Variants in PGS1 observed in about 807,000 individuals in gnomAD.
The protein encoded by PGS1 is CDP-diacylglycerol--glycerol-3-phosphate 3-phosphatidyltransferase, mitochondrial.
A neutral mutation model predicts 58.3 loss-of-function variants in PGS1; 44 were observed. That is an observed-to-expected ratio of 0.75 (90% CI 0.59 to 0.97). PGS1 has a LOEUF of 0.97. PGS1 is among the 50% of genes least tolerant of loss of function. The pLI is 0.00. For synonymous variants in PGS1, 330 were observed against 311.0 expected, an observed-to-expected ratio of 1.06 and a Z score of -0.64; for missense variants, 684 against 731.1, an observed-to-expected ratio of 0.94 and a Z score of 0.74.
At chr17:78,418,018 C>T (rs754241417) in intron 8 of PGS1, among the ~76,000 whole-genome samples, 2 of 149,902 alleles carry the variant, frequency 1.3e-5, no homozygotes, top group Non-Finnish European at 3.0e-5. Context: ...TAACCTCTGC[C>T]TCCCGGGTTC....
At chr17:78,415,216 G>T (rs1349762060) in intron 8 of PGS1, among the ~76,000 whole-genome samples, 189 bp downstream of exon 8, 1 of 152,214 alleles carries the variant, frequency 6.6e-6, no homozygotes, top group East Asian at 1.9e-4. Context: ...GATCATGCCT[G>T]TGACTTCCCA....
intron 8 of PGS1, among the ~76,000 whole-genome samples, chr17:78,417,928 ATTTTTT>A (rs55853667): frequency 7.8e-6 from 1 of 128,308 alleles, no homozygotes; most frequent in Non-Finnish European, 1.6e-5. Context: ...GCATATATAA[ATTTTTT>A]TTTTTTTTTT....
At chr17:78,391,739 A>G (rs545673665) in intron 1 of PGS1, among the ~76,000 whole-genome samples, 14 of 152,224 alleles carry the variant, frequency 9.2e-5, no homozygotes, top group African/African-American at 3.4e-4. Flanking sequence ...CGGCCTCCCA[A>G]AGTGCTGGGA....
intron 8 of PGS1, among the ~76,000 whole-genome samples, chr17:78,417,642 TTGAG>T (rs767171563): frequency 9.2e-5 from 14 of 151,946 alleles, no homozygotes; most frequent in Non-Finnish European, 1.9e-4. Context: ...GTGTGCCACT[TTGAG>T]TGGCACAGGC....
intron 7 of PGS1, among the ~76,000 whole-genome samples, chr17:78,407,512 G>C (rs1598346220): frequency 6.6e-6 from 1 of 152,240 alleles, no homozygotes; most frequent in East Asian, 1.9e-4. Flanking sequence ...CAAGGCACTT[G>C]CTGGGTACAG....
chr17:78,382,209 C>A (rs1301849999), intron 1 of PGS1, among the ~76,000 whole-genome samples: 1 of 152,068 alleles, frequency 6.6e-6, no homozygotes, highest in African/African-American at 2.4e-5. Flanking sequence ...TTTCCAGGAG[C>A]TGACTAGGGG....
chr17:78,391,242 G>A (rs112645827), intron 1 of PGS1, among the ~76,000 whole-genome samples: 4 of 151,326 alleles, frequency 2.6e-5, no homozygotes, highest in African/African-American at 7.3e-5. Flanking sequence ...GCCACCGTGC[G>A]CGGCCACGGC....
rs1293560618 is a variant in PGS1 at position 78,406,189 on chromosome 17, G to T, written c.1402+2100G>T. ...AAAAATTAGCGGGGCGTGGTGGCGG[G>T]CGCCTGTAGTCCCAGCCACTTGGGA... On this transcript the variant is annotated intron_variant, in intron 7 of 9. Coordinates refer to ENST00000262764, the MANE Select transcript of PGS1 (RefSeq NM_024419.5). Among the ~76,000 whole-genome samples, 35 of 152,092 alleles carry T rather than the reference G, an allele frequency of 2.3e-4. 1 individual carries two copies. The highest frequency in any genetic ancestry group is 2.3e-3 in the Admixed American group (35 of 15,270).
Position 78,419,554 on chromosome 17 carries a change from G to C in PGS1, c.1560G>C (p.Glu520Asp). ...CTGTTCCTCTTCCTCAGGAGCAAGAGCAGCTCTACCTGAGGTCAGGTGTGG... is the reference window on the plus strand; with the variant it reads ...CTGTTCCTCTTCCTCAGGAGCAAGACCAGCTCTACCTGAGGTCAGGTGTGG... ...ALQQQLHQEQ[E>D]QLYLRSGVVS... The change falls in exon 9 of 10, where the codon GAG becomes GAC. Residue 520 changes from glutamate to aspartate, a missense_variant. Transcript: ENST00000262764. The C allele has an allele frequency of 6.2e-7, 1 of 1,613,904 alleles. No individual in the cohort carries two copies. The highest frequency in any genetic ancestry group is 8.5e-7 in the Non-Finnish European group (1 of 1,179,876).
intron 3 of PGS1, among the ~76,000 whole-genome samples, chr17:78,397,919 G>A (rs772096239): frequency 2.6e-5 from 4 of 152,226 alleles, no homozygotes; most frequent in Non-Finnish European, 5.9e-5. Context: ...GGTTGTGTCT[G>A]TGAGGATTGT....
intron 3 of PGS1, among the ~76,000 whole-genome samples, chr17:78,396,701 A>G (rs1450045156): frequency 6.6e-6 from 1 of 152,248 alleles, no homozygotes; most frequent in African/African-American, 2.4e-5. Context: ...GTGGCCTGCC[A>G]CCTGTTATGG....
intron 1 of PGS1, among the ~76,000 whole-genome samples, chr17:78,390,471 G>A (rs2082748058): frequency 6.6e-6 from 1 of 152,196 alleles, no homozygotes; most frequent in African/African-American, 2.4e-5. Flanking sequence ...GGGCTTTCTG[G>A]GAAGTGCAGC....
chr17:78,424,190 CCAGT>C lies in PGS1; in HGVS notation c.*141_*144del. 1 of 1,577,478 alleles carries C rather than the reference CCAGT, an allele frequency of 6.3e-7. No homozygotes were observed. Among genetic ancestry groups the C allele is most frequent in the Non-Finnish European group, 8.6e-7 (1 of 1,162,286 alleles). On this transcript the variant is annotated 3_prime_UTR_variant, in exon 10 of 10. Coordinates refer to ENST00000262764, the MANE Select transcript of PGS1 (RefSeq NM_024419.5). Reference sequence around the variant, plus strand: ...GTATGGCTGAGGGTCAGGTGTGCTGCCAGTAAGTGAGGGAGGGGCTGGCAGGAAG... The same window carrying C: ...GTATGGCTGAGGGTCAGGTGTGCTGCAAGTGAGGGAGGGGCTGGCAGGAAG...
chr17:78,420,855 A>G (rs929522145), intron 9 of PGS1: 2 of 152,200 alleles, frequency 1.3e-5, no homozygotes, highest in African/African-American at 4.8e-5. Flanking sequence ...CCGTATTTCT[A>G]AATAACGTGC....
intron 2 of PGS1, among the ~76,000 whole-genome samples, chr17:78,395,031 C>T (rs988495452): frequency 2.7e-5 from 4 of 148,774 alleles, no homozygotes; most frequent in Non-Finnish European, 6.0e-5. Flanking sequence ...GAGAAGACCC[C>T]AGGGCCTCCT....
chr17:78,417,189 T>C (rs2085267331), intron 8 of PGS1, among the ~76,000 whole-genome samples: 1 of 152,152 alleles, frequency 6.6e-6, no homozygotes, highest in African/African-American at 2.4e-5. Flanking sequence ...CCATCCCTGT[T>C]GTGGAGTCTG....
intron 1 of PGS1, among the ~76,000 whole-genome samples, chr17:78,382,053 C>T (rs944545791): frequency 2.0e-5 from 3 of 152,042 alleles, no homozygotes; most frequent in East Asian, 1.9e-4. Context: ...TGGAAGGCTT[C>T]CTGGTGCAGT....
intron 4 of PGS1, 93 bp from the exon 5 acceptor site, chr17:78,399,255 G>C: frequency 2.1e-6 from 2 of 957,880 alleles, no homozygotes; most frequent in Non-Finnish European, 3.3e-6. Flanking sequence ...GGACGGCACA[G>C]GTGAAGGCGA....
intron 7 of PGS1, among the ~76,000 whole-genome samples, chr17:78,413,917 CT>C (rs1309843235): frequency 1.6e-4 from 25 of 152,260 alleles, no homozygotes; most frequent in East Asian, 1.9e-4. Flanking sequence ...GTGGCCCCCC[CT>C]GCCACACAGT....
Sources: gnomAD v4.1 joint callset for allele counts (sites outside exome capture counted in the v4.1 genomes callset) on GRCh38, gnomAD v4.1.1 for gene constraint, MANE v1.5 for transcripts, NCBI Gene and HGNC (gene_info 2026-07-23, HGNC 2026-07-21) for gene names.